The following MCTP1 variants were observed in gnomAD, a reference collection of about 807,000 sequenced individuals.
The protein encoded by MCTP1 is multiple C2 and transmembrane domain-containing protein 1.
A neutral mutation model predicts 120.6 loss-of-function variants in MCTP1; 69 were observed. That is an observed-to-expected ratio of 0.57 (90% confidence interval 0.47 to 0.70). MCTP1 has a LOEUF of 0.70. MCTP1 is among the 30% of genes least tolerant of loss of function. The pLI, the probability that MCTP1 is intolerant of heterozygous loss-of-function variation, is 0.00. For synonymous variants in MCTP1, 529 were observed against 493.1 expected, an observed-to-expected ratio of 1.07 and a Z score of -0.96; for missense variants, 1,203 against 1,248.8, an observed-to-expected ratio of 0.96 and a Z score of 0.55.
intron 2 of MCTP1, among the ~76,000 whole-genome samples, chr5:95,006,649 T>C (rs1213431860): frequency 2.0e-5 from 3 of 152,172 alleles, no homozygotes; most frequent in African/African-American, 4.8e-5. Flanking sequence ...TTGATCAAGA[T>C]AGCTCATTAA....
chr5:95,103,804 T>G (rs1200860683), intron 1 of MCTP1, among the ~76,000 whole-genome samples: 1 of 152,128 alleles, frequency 6.6e-6, no homozygotes, highest in Admixed American at 6.6e-5. Context: ...TTGCTACAAC[T>G]CAATATGGTA....
Position 94,828,251 on chromosome 5 carries a change from C to T in MCTP1, c.2437-29119G>A, listed in dbSNP as rs6870434. 2.2e-3 allele frequency among the ~76,000 whole-genome samples: 336 copies of T among 152,194 alleles called. 1 individual carries two copies. The highest frequency in any genetic ancestry group is 7.8e-3 in the African/African-American group (324 of 41,542). On this transcript the variant is annotated intron_variant, in intron 17 of 22. Transcript: ENST00000515393. ...GGTCTGCTGGAGTTTGCTGGGGGTC[C>T]ACCCTGTTTGCCTGGGTATCACCAG...
intron 1 of MCTP1, among the ~76,000 whole-genome samples, chr5:95,209,645 T>C (rs115928848): frequency 2.6e-5 from 4 of 152,304 alleles, no homozygotes; most frequent in Non-Finnish European, 5.9e-5. Context: ...TGAATATATC[T>C]GGGGTTCACC....
At chr5:94,714,097 TATAAC>T (rs752207589) in intron 20 of MCTP1, among the ~76,000 whole-genome samples, 64 of 152,124 alleles carry the variant, frequency 4.2e-4, no homozygotes, top group Admixed American at 1.5e-3. Flanking sequence ...TTAAAAAAAA[TATAAC>T]ATTAGTTTAG....
At chr5:95,168,335 C>T (rs1156864929) in intron 1 of MCTP1, among the ~76,000 whole-genome samples, 2 of 152,142 alleles carry the variant, frequency 1.3e-5, no homozygotes, top group East Asian at 3.9e-4. Context: ...AGCATGATGC[C>T]TCCAACTTTG....
chr5:95,116,565 C>A (rs977761982), intron 1 of MCTP1, among the ~76,000 whole-genome samples: 7 of 147,834 alleles, frequency 4.7e-5, no homozygotes, highest in African/African-American at 1.2e-4. Context: ...TTTTTTAATT[C>A]TGTGAAGAAT....
chr5:94,968,860 T>C (rs1408741469), intron 2 of MCTP1, among the ~76,000 whole-genome samples: 1 of 152,196 alleles, frequency 6.6e-6, no homozygotes, highest in Admixed American at 6.5e-5. Flanking sequence ...TTTATGACGA[T>C]AAATGAATTG....
chr5:95,165,429 T>C (rs960252145), intron 1 of MCTP1, among the ~76,000 whole-genome samples: 1 of 152,202 alleles, frequency 6.6e-6, no homozygotes, highest in Non-Finnish European at 1.5e-5. Context: ...TGGTTTTGTG[T>C]GGAATTTTTT....
chr5:95,168,745 T>A (rs1006686814), intron 1 of MCTP1, among the ~76,000 whole-genome samples: 15 of 152,240 alleles, frequency 9.9e-5, no homozygotes, highest in Admixed American at 8.5e-4. Context: ...TGCACATTGA[T>A]TTTTATCCCG....
At chr5:94,869,345 T>A (rs1338540323) in intron 16 of MCTP1, among the ~76,000 whole-genome samples, 1 of 151,958 alleles carries the variant, frequency 6.6e-6, no homozygotes, top group Non-Finnish European at 1.5e-5. Context: ...ATGGAAAAAA[T>A]ATATATATGG....
intron 17 of MCTP1, among the ~76,000 whole-genome samples, chr5:94,812,787 A>T (rs1209354748): frequency 6.8e-6 from 1 of 146,454 alleles, no homozygotes; most frequent in Non-Finnish European, 1.5e-5. Context: ...AAAAAAAAAA[A>T]GGTGATACAA....
chr5:94,819,774 G>A (rs1167747968), intron 17 of MCTP1, among the ~76,000 whole-genome samples: 1 of 152,184 alleles, frequency 6.6e-6, no homozygotes, highest in Non-Finnish European at 1.5e-5. Flanking sequence ...GAGGATTGTA[G>A]GCACAATATT....
At chr5:94,815,499 G>A (rs1244947074) in intron 17 of MCTP1, among the ~76,000 whole-genome samples, 1 of 152,118 alleles carries the variant, frequency 6.6e-6, no homozygotes, top group Non-Finnish European at 1.5e-5. Context: ...TTCTCTAAGT[G>A]CATGACACTG....
chr5:94,980,803 T>G (rs1336914906), intron 2 of MCTP1: 3 of 152,124 alleles, frequency 2.0e-5, no homozygotes, highest in Non-Finnish European at 4.4e-5. Flanking sequence ...AACTAAAAGT[T>G]TTTTTCGTTT....
chr5:94,958,957 G>A (rs921254138), intron 2 of MCTP1, among the ~76,000 whole-genome samples: 2 of 152,096 alleles, frequency 1.3e-5, no homozygotes, highest in African/African-American at 4.8e-5. Flanking sequence ...ACCTGGCAGA[G>A]ACACAACAAA....
In MCTP1 at chr5:94,878,955, C is replaced by T. The variant is rs547307952; in HGVS notation, c.1934-5714G>A. Among the ~76,000 whole-genome samples the T allele has an allele frequency of 4.0e-5, 6 of 151,888 alleles. No individual in the cohort carries two copies. In the South Asian group the frequency reaches 1.2e-3, roughly 32 times the overall value. On this transcript the variant is annotated intron_variant, in intron 12 of 22. Transcript: ENST00000515393. The stretch of plus-strand genomic sequence containing the variant: ...CCTCATTGAGAAGGTGAGGTCTGAG[C>T]AAAGAACTGAAGGGGGTAAAGGAGT...
intron 2 of MCTP1, among the ~76,000 whole-genome samples, chr5:94,970,057 G>C (rs1171374734): frequency 1.3e-5 from 2 of 151,908 alleles, no homozygotes; most frequent in Non-Finnish European, 2.9e-5. Context: ...ATATTCCAAT[G>C]AATTTAAAAT....
At chr5:95,011,618 C>G (rs536358609) in intron 2 of MCTP1, among the ~76,000 whole-genome samples, 56 of 152,154 alleles carry the variant, frequency 3.7e-4, no homozygotes, top group South Asian at 1.9e-3. Context: ...CCCTCACTCT[C>G]TCTCTCTCCA....
chr5:94,930,981 T>A (rs1814515594), intron 6 of MCTP1: 1 of 152,174 alleles, frequency 6.6e-6, no homozygotes, highest in South Asian at 2.1e-4. Context: ...GCCCTGACTT[T>A]TTTGTAAGCC....
Sources: gnomAD v4.1 joint callset for allele counts (sites outside exome capture counted in the v4.1 genomes callset) on GRCh38, gnomAD v4.1.1 for gene constraint, MANE v1.5 for transcripts, NCBI Gene and HGNC (gene_info 2026-07-23, HGNC 2026-07-21) for gene names.